Variants in URI1 observed in about 807,000 individuals in gnomAD.
The protein encoded by URI1 is unconventional prefoldin RPB5 interactor 1.
Under a neutral mutation model 60.2 loss-of-function variants are expected in URI1, and 39 were observed. That is an observed-to-expected ratio of 0.65 (90% CI 0.50 to 0.85). The LOEUF (loss-of-function observed/expected upper bound fraction) is 0.85. Ranked by LOEUF, URI1 falls within the 40% of genes least tolerant of loss-of-function variation. The probability of loss-of-function intolerance (pLI) is 0.00; values close to 1 mark genes in which losing one functional copy is unlikely to be tolerated. For missense variants in URI1, 691 were observed against 665.9 expected, an observed-to-expected ratio of 1.04 and a Z score of -0.42; for synonymous variants, 251 against 236.8, an observed-to-expected ratio of 1.06 and a Z score of -0.55.
chr19:29,997,783 CAG>C (rs2055830641), intron 4 of URI1, among the ~76,000 whole-genome samples: 1 of 152,052 alleles, frequency 6.6e-6, no homozygotes, highest in Non-Finnish European at 1.5e-5. Flanking sequence ...TCTTTTGAGA[CAG>C]AGTCTCACTC....
intron 1 of URI1, among the ~76,000 whole-genome samples, chr19:29,966,464 G>A (rs907746959): frequency 1.1e-4 from 16 of 152,080 alleles, no homozygotes; most frequent in African/African-American, 3.9e-4. Context: ...GCAACACTCA[G>A]TTTATTACAG....
At chr19:29,987,646 C>G (rs2055688801) in intron 4 of URI1, among the ~76,000 whole-genome samples, 1 of 152,038 alleles carries the variant, frequency 6.6e-6, no homozygotes, top group African/African-American at 2.4e-5. Context: ...GAAGTTTGTT[C>G]ACATTGATTT....
intron 4 of URI1, among the ~76,000 whole-genome samples, chr19:29,992,713 A>G (rs1457512825): frequency 6.6e-6 from 1 of 152,172 alleles, no homozygotes; most frequent in African/African-American, 2.4e-5. Context: ...TTAGAGAGCA[A>G]TTTTTGGCTT....
intron 3 of URI1, among the ~76,000 whole-genome samples, chr19:29,985,792 G>A (rs568884086): frequency 6.2e-4 from 95 of 152,278 alleles, no homozygotes; most frequent in Non-Finnish European, 1.2e-3. Flanking sequence ...TTCTTATGAA[G>A]ACTTTGTTCT....
At chr19:29,935,985 A>C (rs2054968523) in intron 1 of URI1, among the ~76,000 whole-genome samples, 1 of 151,974 alleles carries the variant, frequency 6.6e-6, no homozygotes, top group African/African-American at 2.4e-5. Flanking sequence ...ACAGGGTTTC[A>C]CTATGTTGAC....
chr19:29,960,296 C>T (rs925608011), intron 1 of URI1, among the ~76,000 whole-genome samples: 3 of 152,030 alleles, frequency 2.0e-5, no homozygotes, highest in African/African-American at 7.2e-5. Flanking sequence ...GTTCAGGCTG[C>T]TTGAATATGT....
At chr19:29,968,634 C>T (rs757013144) in intron 1 of URI1, among the ~76,000 whole-genome samples, 14 of 126,940 alleles carry the variant, frequency 1.1e-4, no homozygotes, top group Non-Finnish European at 1.9e-4. Context: ...TGCAGTGGCG[C>T]GATCTCGGCT....
chr19:29,970,981 G>A, intron 1 of URI1: 5 of 550,144 alleles, frequency 9.1e-6, no homozygotes, highest in South Asian at 5.0e-5. Context: ...GCTGTAATTT[G>A]TTCTGCAGTT....
chr19:30,000,921 CTT>C (rs1446542819), intron 4 of URI1, among the ~76,000 whole-genome samples: 1 of 151,792 alleles, frequency 6.6e-6, no homozygotes, highest in African/African-American at 2.4e-5. Context: ...TCTGCATACT[CTT>C]TTAAATCATG....
At chr19:30,007,388 A>G in intron 6 of URI1, 82 bp from the exon 7 acceptor site, 2 of 1,469,324 alleles carry the variant, frequency 1.4e-6, no homozygotes, top group Non-Finnish European at 1.8e-6. Flanking sequence ...CCCTTGCCCC[A>G]AAAGAAAGTC....
intron 4 of URI1, among the ~76,000 whole-genome samples, chr19:29,992,443 ATGTACT>A (rs1482243269): frequency 1.3e-5 from 2 of 152,162 alleles, no homozygotes; most frequent in Non-Finnish European, 2.9e-5. Flanking sequence ...CTTTTAATTG[ATGTACT>A]TAGACCATTT....
chr19:29,942,005 A>G (rs2055029597), upstream of URI1, among the ~76,000 whole-genome samples: 1 of 150,402 alleles, frequency 6.6e-6, no homozygotes, highest in South Asian at 2.1e-4. Flanking sequence ...TAAGGTTCCA[A>G]AGCCTATATT....
intron 4 of URI1, among the ~76,000 whole-genome samples, chr19:30,002,331 G>A (rs2055889314): frequency 6.6e-6 from 1 of 151,958 alleles, no homozygotes; most frequent in Non-Finnish European, 1.5e-5. Flanking sequence ...AGGTGAAAAT[G>A]ACTGCTTAAG....
chr19:30,008,935 TA>T, intron 7 of URI1, 69 bp from the exon 8 acceptor site: 1 of 1,254,116 alleles, frequency 8.0e-7, no homozygotes, highest in Non-Finnish European at 1.1e-6. Flanking sequence ...CCATGGAAAC[TA>T]ACTGGAAATT....
At chr19:30,007,285 A>G (rs1195169202) in intron 6 of URI1, among the ~76,000 whole-genome samples, 185 bp from the exon 7 acceptor site, 1 of 152,050 alleles carries the variant, frequency 6.6e-6, no homozygotes, top group Admixed American at 6.6e-5. Flanking sequence ...CTGTTGATCC[A>G]TGGACCACAC....
At chr19:29,944,025 C>T (rs530275115) in intron 1 of URI1, among the ~76,000 whole-genome samples, 2 of 149,092 alleles carry the variant, frequency 1.3e-5, no homozygotes, top group South Asian at 2.1e-4. Flanking sequence ...TGTAGTCCCA[C>T]GTACTTGGGA....
chr19:29,929,629 A>C (rs1342181188), intron 1 of URI1, among the ~76,000 whole-genome samples: 2 of 152,020 alleles, frequency 1.3e-5, no homozygotes, highest in African/African-American at 2.4e-5. Context: ...AAAAAATAAA[A>C]AATAATAGCT....
At chr19:29,926,462 T>C (rs568733630) in intron 1 of URI1, among the ~76,000 whole-genome samples, 2 of 152,224 alleles carry the variant, frequency 1.3e-5, no homozygotes, top group Admixed American at 6.5e-5. Context: ...AAAAATTTTT[T>C]ATAGAGAAGA....
Position 30,009,061 on chromosome 19 carries a change from A to T in URI1, c.743A>T (p.Lys248Met). 1 of 1,613,866 alleles carries T rather than the reference A, an allele frequency of 6.2e-7. No individual in the cohort carries two copies. Among genetic ancestry groups the T allele is most frequent in the South Asian group, 1.1e-5 (1 of 91,060 alleles). The change falls in exon 8 of 11, where the codon AAG (lysine) becomes ATG (methionine). Residue 248 changes from lysine to methionine, a missense_variant. Lys to Met is a moderately conservative substitution (Grantham distance 95). Coordinates refer to ENST00000392271, the MANE Select transcript of URI1 (RefSeq NM_003796.3). ...GATACGACATCTTCTGAAGAGGAAA[A>T]GGAAGATCGTAACACAAATGTGAAT... is the stretch of plus-strand genomic sequence containing the variant. ...GEDTTSSEEE[K>M]EDRNTNVNAM... is the part of the protein sequence containing the mutation.
Sources: gnomAD v4.1 joint callset for allele counts (sites outside exome capture counted in the v4.1 genomes callset) on GRCh38, gnomAD v4.1.1 for gene constraint, MANE v1.5 for transcripts, NCBI Gene and HGNC (gene_info 2026-07-23, HGNC 2026-07-21) for gene names.